The following SCML2 variants were observed in gnomAD, a reference collection of about 807,000 sequenced individuals.
SCML2 encodes the protein Scm polycomb group protein like 2.
A neutral mutation model predicts 48.4 loss-of-function variants in SCML2; 6 were observed. That is an observed-to-expected ratio of 0.12 (90% CI 0.07 to 0.24). The LOEUF (loss-of-function observed/expected upper bound fraction) is 0.24, where lower values mean the gene tolerates loss of function less well. Ranked by LOEUF, SCML2 falls within the 10% of genes least tolerant of loss-of-function variation. The pLI is 1.00. For missense variants in SCML2, 377 were observed against 528.2 expected (o/e 0.71, Z 2.81); for synonymous variants, 181 against 189.5 (o/e 0.95, Z 0.37).
chrX:18,249,549 G>A (rs1270109978), intron 11 of SCML2, among the ~76,000 whole-genome samples: 1 of 111,373 alleles, frequency 9.0e-6, no homozygotes, highest in Non-Finnish European at 1.9e-5. Flanking sequence ...GGGGGAAAAT[G>A]GTGGCAACTG....
chrX:18,306,776 G>A (rs1168764155), intron 6 of SCML2, among the ~76,000 whole-genome samples: 1 of 110,364 alleles, frequency 9.1e-6, no homozygotes, highest in Non-Finnish European at 1.9e-5. Context: ...ACACCCTTAC[G>A]ATCTGGAAGC....
chrX:18,352,492 A>C (rs1930405909), intron 1 of SCML2, among the ~76,000 whole-genome samples: 1 of 112,382 alleles, frequency 8.9e-6, no homozygotes, highest in African/African-American at 3.2e-5. Context: ...ATTATGACAA[A>C]AATACTGACT....
At chrX:18,352,834 A>G (rs1930416806) in intron 1 of SCML2, among the ~76,000 whole-genome samples, 1 of 112,138 alleles carries the variant, frequency 8.9e-6, no homozygotes, top group Admixed American at 9.5e-5. Flanking sequence ...ATAATGCAGT[A>G]GAGTTACAGT....
intron 1 of SCML2, among the ~76,000 whole-genome samples, chrX:18,354,272 G>C: frequency 8.8e-6 from 1 of 113,216 alleles, no homozygotes; most frequent in Non-Finnish European, 1.9e-5. Context: ...GGATGCGCCG[G>C]AGGGCGCTGT....
intron 4 of SCML2, 39 bp from the exon 5 acceptor site, chrX:18,324,132 T>C: frequency 2.2e-6 from 2 of 897,433 alleles, no homozygotes; most frequent in Non-Finnish European, 3.2e-6. Context: ...ATGCATCAAC[T>C]ATAAGAGAAG....
intron 5 of SCML2, among the ~76,000 whole-genome samples, chrX:18,322,795 G>A (rs1929363815): frequency 9.0e-6 from 1 of 110,602 alleles, no homozygotes; most frequent in Non-Finnish European, 1.9e-5. Context: ...TCGGGAGGCT[G>A]AGGCAGGAGA....
At chrX:18,339,708 C>A (rs1323059607) in intron 1 of SCML2, among the ~76,000 whole-genome samples, 1 of 111,673 alleles carries the variant, frequency 9.0e-6, no homozygotes, top group Non-Finnish European at 1.9e-5. Flanking sequence ...CAGAGTGAGA[C>A]CCCAGCTCTA....
chrX:18,312,092 GT>G (rs1018927960), intron 6 of SCML2, among the ~76,000 whole-genome samples: 4 of 111,916 alleles, frequency 3.6e-5, no homozygotes, highest in African/African-American at 1.3e-4. Flanking sequence ...ATGCCCGGCT[GT>G]GATTTACATT....
At chrX:18,333,972 A>G (rs753600886) in intron 2 of SCML2, 78 bp downstream of exon 2, 17 of 949,866 alleles carry the variant, frequency 1.8e-5, no homozygotes, top group Middle Eastern at 2.7e-4. Context: ...GCTTTATTTC[A>G]AAAGTTCAGT....
chrX:18,342,517 G>A (rs910155275), intron 1 of SCML2, among the ~76,000 whole-genome samples: 5 of 111,600 alleles, frequency 4.5e-5, no homozygotes, highest in African/African-American at 1.6e-4. Flanking sequence ...TTCAAGGCCA[G>A]CCTGGCCAAC....
chrX:18,336,839 C>T (rs1440772779), intron 1 of SCML2, among the ~76,000 whole-genome samples: 4 of 109,532 alleles, frequency 3.7e-5, no homozygotes, highest in African/African-American at 1.3e-4. Flanking sequence ...TTAGGGCAAC[C>T]GCTAAAAAAA....
intron 13 of SCML2, among the ~76,000 whole-genome samples, chrX:18,244,028 G>T (rs5909431): frequency 8.9e-6 from 1 of 111,850 alleles, no homozygotes; most frequent in African/African-American, 3.2e-5. Flanking sequence ...GAAAATAAAA[G>T]AACTTATAGT....
At chrX:18,353,835 T>C (rs1222921281) in intron 1 of SCML2, among the ~76,000 whole-genome samples, 1 of 112,914 alleles carries the variant, frequency 8.9e-6, no homozygotes. Flanking sequence ...CACACCTGGA[T>C]GGGGCGCAAG....
intron 11 of SCML2, among the ~76,000 whole-genome samples, chrX:18,251,428 A>T (rs1312808753): frequency 1.8e-5 from 2 of 110,817 alleles, no homozygotes; most frequent in African/African-American, 6.6e-5. Flanking sequence ...ATATACGAAG[A>T]ACTCTTATGA....
chrX:18,248,033 CAT>C (rs915721180), intron 11 of SCML2, 151 bp from the exon 12 acceptor site: 21 of 426,132 alleles, frequency 4.9e-5, no homozygotes, highest in African/African-American at 2.7e-4. Flanking sequence ...TCATGAATAA[CAT>C]GTGTCTATTT....
chrX:18,325,275 T>A (rs1929444870), intron 3 of SCML2, among the ~76,000 whole-genome samples: 1 of 111,989 alleles, frequency 8.9e-6, no homozygotes, highest in Non-Finnish European at 1.9e-5. Flanking sequence ...TAGAAATAAC[T>A]AAAGAAATTG....
rs1291000515 is a variant in SCML2 at position 18,259,275 on chromosome X, C to A, written c.1069+896G>T. Among the ~76,000 whole-genome samples, 86 of 105,315 alleles carry A rather than the reference C, an allele frequency of 8.2e-4. 1 individual carries two copies. The highest frequency in any genetic ancestry group is 1.4e-3 in the Non-Finnish European group (74 of 51,052). 91.5% of individuals were successfully genotyped at this position (105,315 alleles called of 115,157 possible). ...GAGACTGTCTCAAAAAAAAAAAAAACAACAAAGAAACAAAACATGAGGGCA... is the reference window on the plus strand; with the variant it reads ...GAGACTGTCTCAAAAAAAAAAAAAAAAACAAAGAAACAAAACATGAGGGCA... On this transcript the variant is annotated intron_variant, in intron 9 of 14. Transcript: ENST00000251900.
chrX:18,292,625 CTTGT>C (rs1928268579), intron 7 of SCML2, among the ~76,000 whole-genome samples: 1 of 110,604 alleles, frequency 9.0e-6, no homozygotes, highest in South Asian at 3.8e-4. Flanking sequence ...CAAATATATT[CTTGT>C]TTTTTTTAAA....
chrX:18,288,197 A>G (rs937097729), intron 7 of SCML2, among the ~76,000 whole-genome samples: 6 of 111,307 alleles, frequency 5.4e-5, no homozygotes, highest in Non-Finnish European at 1.1e-4. Context: ...TTAAAAAAAA[A>G]TCTTAGCTGT....
Sources: allele counts gnomAD v4.1 joint callset (sites outside exome capture counted in the v4.1 genomes callset), GRCh38; gene constraint gnomAD v4.1.1; transcripts MANE v1.5; gene names NCBI Gene and HGNC (gene_info 2026-07-23, HGNC 2026-07-21).